The following SLC31A1 variants were observed in gnomAD, a reference collection of about 807,000 sequenced individuals.
The protein encoded by SLC31A1 is solute carrier family 31 member 1, also known as high affinity copper uptake protein 1.
A neutral mutation model predicts 17.2 loss-of-function variants in SLC31A1; 5 were observed. That is an observed-to-expected ratio of 0.29 (90% CI 0.15 to 0.61). The LOEUF (loss-of-function observed/expected upper bound fraction) is 0.61, where lower values mean the gene tolerates loss of function less well. SLC31A1 is among the 20% of genes least tolerant of loss of function. SLC31A1 has a pLI of 0.86. For missense variants in SLC31A1, 161 were observed against 241.4 expected, an observed-to-expected ratio of 0.67 and a Z score of 2.21; for synonymous variants, 76 against 78.8, an observed-to-expected ratio of 0.96 and a Z score of 0.19.
intron 1 of SLC31A1, among the ~76,000 whole-genome samples, chr9:113,235,762 G>A (rs116196727): frequency 0.024 from 3,584 of 152,236 alleles, 62 homozygotes; most frequent in Non-Finnish European, 0.029. Context: ...GAAAAAAGAC[G>A]GCAATGCCCT....
rs569277480 is a variant in SLC31A1, at chr9:113,236,464, C to T, written c.-36+14786C>T. Among the ~76,000 whole-genome samples, 24 of 152,038 alleles carry T rather than the reference C, an allele frequency of 1.6e-4. No individual in the cohort carries two copies. The South Asian group carries it at 2.9e-3, about 18-fold the overall frequency. On this transcript the variant is annotated intron_variant, in intron 1 of 4. Transcript: ENST00000374212. The stretch of plus-strand genomic sequence containing the variant: ...CTGCAAGCTCCACCTCCCGGGTTCA[C>T]GCCATTCTCCTGCCTCAACCTCCCG...
chr9:113,256,508 A>C, intron 2 of SLC31A1: 1 of 440,860 alleles, frequency 2.3e-6, no homozygotes, highest in Non-Finnish European at 4.1e-6. Flanking sequence ...GTCCCTTCTG[A>C]AATCGACTCT....
chr9:113,247,770 G>A (rs888776546), intron 1 of SLC31A1, among the ~76,000 whole-genome samples: 1 of 152,106 alleles, frequency 6.6e-6, no homozygotes, highest in African/African-American at 2.4e-5. Context: ...GAAGTGCTGA[G>A]CTCTTCAACA....
intron 1 of SLC31A1, among the ~76,000 whole-genome samples, chr9:113,234,609 G>A (rs1831436492): frequency 6.8e-6 from 1 of 147,090 alleles, no homozygotes; most frequent in Non-Finnish European, 1.5e-5. Context: ...GCTTTAGCAT[G>A]CATAAGAATT....
intron 1 of SLC31A1, among the ~76,000 whole-genome samples, chr9:113,231,291 C>T (rs759372452): frequency 6.6e-5 from 10 of 152,110 alleles, no homozygotes; most frequent in South Asian, 2.1e-4. Context: ...GGGCCGGGTA[C>T]GGTGGCTTAC....
At chr9:113,231,220 C>T (rs1013247468) in intron 1 of SLC31A1, among the ~76,000 whole-genome samples, 12 of 152,080 alleles carry the variant, frequency 7.9e-5, no homozygotes, top group African/African-American at 9.7e-5. Flanking sequence ...TAAGTAAATG[C>T]GCACACACAC....
In SLC31A1 at chr9:113,258,952, C is replaced by T. The variant is rs530962115; in HGVS notation, c.371+90C>T. 2,492 of 1,370,798 alleles carry T rather than the reference C, an allele frequency of 1.8e-3. 7 individuals carry two copies. Among genetic ancestry groups the T allele is most frequent in the Non-Finnish European group, 1.6e-3 (1,580 of 962,106 alleles). The allele number at this position is 1,370,798 out of a possible 1,614,324, so 84.9% of individuals were successfully genotyped here. A position where few individuals can be genotyped will look rare whatever the true frequency, so the allele number is the denominator to read the frequency against. ...CTGTGTGATCAGCAGCAGCCCTCTT[C>T]TTGAGTTAGGAGTTCTGTATGACCT... On this transcript the variant is annotated intron_variant, in intron 4 of 4. Transcript: ENST00000374212. The surrounding 1 kb of genome is among the most constrained non-coding windows in gnomAD (Gnocchi z 4.8).
At chr9:113,225,121 C>T (rs1453132394) in intron 1 of SLC31A1, among the ~76,000 whole-genome samples, 1 of 152,156 alleles carries the variant, frequency 6.6e-6, no homozygotes, top group Non-Finnish European at 1.5e-5. Flanking sequence ...TGAATAAACA[C>T]ACTGTCACCA....
intron 1 of SLC31A1, among the ~76,000 whole-genome samples, chr9:113,255,478 G>A: frequency 6.6e-6 from 1 of 152,184 alleles, no homozygotes. Flanking sequence ...CACTTTGGGA[G>A]GCCAAGGCAA....
At chr9:113,237,213 C>T (rs1831469674) in intron 1 of SLC31A1, among the ~76,000 whole-genome samples, 1 of 152,148 alleles carries the variant, frequency 6.6e-6, no homozygotes. Context: ...CTGCAGATAA[C>T]AGTTGTAGCG....
At chr9:113,251,825 C>T (rs1831657635) in intron 1 of SLC31A1, among the ~76,000 whole-genome samples, 1 of 152,090 alleles carries the variant, frequency 6.6e-6, no homozygotes, top group Non-Finnish European at 1.5e-5. Flanking sequence ...TTTTAGTGAG[C>T]GTAAGGACTT....
intron 1 of SLC31A1, among the ~76,000 whole-genome samples, chr9:113,252,352 A>G (rs902548493): frequency 6.6e-6 from 1 of 152,076 alleles, no homozygotes; most frequent in African/African-American, 2.4e-5. Flanking sequence ...CTGGAGTGCA[A>G]TGGCACAATC....
Position 113,263,855 on chromosome 9 carries a change from T to C in SLC31A1, c.*3382T>C, listed in dbSNP as rs1831821044. The C allele has an allele frequency of 6.6e-6, 1 of 152,238 alleles. No individual in the cohort carries two copies. The highest frequency in any genetic ancestry group is 2.4e-5 in the African/African-American group (1 of 41,464). 9.4% of individuals were successfully genotyped at this position (152,238 alleles called of 1,614,324 possible). A position where few individuals can be genotyped will look rare whatever the true frequency, so the allele number is the denominator to read the frequency against. On this transcript the variant is annotated 3_prime_UTR_variant, in exon 5 of 5. Coordinates refer to ENST00000374212, the MANE Select transcript of SLC31A1 (RefSeq NM_001859.4). Reference sequence around the variant, plus strand: ...CTAGGAGATTAGAAATTAAGGTTTCTTCACTACTTCTATGGTAGGGTTGTC... The same window carrying C: ...CTAGGAGATTAGAAATTAAGGTTTCCTCACTACTTCTATGGTAGGGTTGTC...
intron 2 of SLC31A1, among the ~76,000 whole-genome samples, chr9:113,256,835 TG>T (rs1458284748): frequency 2.1e-5 from 3 of 142,544 alleles, no homozygotes; most frequent in Non-Finnish European, 4.5e-5. Context: ...CATTCCAGCC[TG>T]GGCTACAGAG....
chr9:113,259,583 C>CTT (rs34039262), intron 4 of SLC31A1, among the ~76,000 whole-genome samples: 14 of 124,450 alleles, frequency 1.1e-4, no homozygotes, highest in Admixed American at 1.7e-4. Context: ...TTTTTTCTTT[C>CTT]TTTTTTTTTT....
At chr9:113,255,330 A>G (rs977701244) in intron 1 of SLC31A1, among the ~76,000 whole-genome samples, 11 of 152,230 alleles carry the variant, frequency 7.2e-5, no homozygotes, top group Admixed American at 7.2e-4. Context: ...GTATCTTATT[A>G]CAGATTGCCT....
At chr9:113,236,197 A>T (rs1303425229) in intron 1 of SLC31A1, among the ~76,000 whole-genome samples, 1 of 152,172 alleles carries the variant, frequency 6.6e-6, no homozygotes, top group African/African-American at 2.4e-5. Context: ...CATGTTGGCC[A>T]GGCTGGTCTC....
At chr9:113,237,258 G>C (rs1283412656) in intron 1 of SLC31A1, among the ~76,000 whole-genome samples, 1 of 152,192 alleles carries the variant, frequency 6.6e-6, no homozygotes, top group Admixed American at 6.5e-5. Flanking sequence ...ATAAAGCATT[G>C]CAGGACACAA....
intron 1 of SLC31A1, among the ~76,000 whole-genome samples, chr9:113,226,861 C>T (rs1172671296): frequency 6.6e-6 from 1 of 152,116 alleles, no homozygotes; most frequent in Non-Finnish European, 1.5e-5. Flanking sequence ...AGAATGTAGT[C>T]ATTTAATTTA....
Sources: allele counts gnomAD v4.1 joint callset (sites outside exome capture counted in the v4.1 genomes callset), GRCh38; gene constraint gnomAD v4.1.1; non-coding constraint Gnocchi (gnomAD v3.1); transcripts MANE v1.5; gene names NCBI Gene and HGNC (gene_info 2026-07-23, HGNC 2026-07-21).